The following POC1B variants were observed in gnomAD, a reference collection of about 807,000 sequenced individuals.
POC1B encodes POC1 centriolar protein B, also known as POC1 centriolar protein homolog B.
A neutral mutation model predicts 60.6 loss-of-function variants in POC1B; 44 were observed. That is an observed-to-expected ratio of 0.73 (90% CI 0.57 to 0.93). The LOEUF (loss-of-function observed/expected upper bound fraction) is 0.93. Ranked by LOEUF, POC1B falls within the 40% of genes least tolerant of loss-of-function variation. POC1B has a pLI of 0.00. For missense variants in POC1B, 555 were observed against 572.3 expected (o/e 0.97, Z 0.31); for synonymous variants, 180 against 198.9 (o/e 0.90, Z 0.80).
intron 10 of POC1B, among the ~76,000 whole-genome samples, chr12:89,432,836 G>T (rs1331417573): frequency 6.6e-6 from 1 of 152,204 alleles, no homozygotes; most frequent in Non-Finnish European, 1.5e-5. Context: ...ATATAAATTT[G>T]GGAGTTACTG....
At chr12:89,472,403 G>T in intron 4 of POC1B, 128 bp from the exon 5 acceptor site, 2 of 627,798 alleles carry the variant, frequency 3.2e-6, no homozygotes, top group Non-Finnish European at 5.5e-6. Context: ...ATCCCATGCA[G>T]TAAAGTCATA....
chr12:89,523,886 C>A (rs780529311), intron 2 of POC1B: 19 of 1,577,408 alleles, frequency 1.2e-5, no homozygotes, highest in Non-Finnish European at 1.6e-5. Context: ...AAAGTGAGGA[C>A]GTCCCCAGTG....
At chr12:89,435,078 T>C (rs944015138) in intron 10 of POC1B, among the ~76,000 whole-genome samples, 1 of 151,872 alleles carries the variant, frequency 6.6e-6, no homozygotes, top group East Asian at 1.9e-4. Context: ...AACAATTAGA[T>C]CTATGAAATT....
chr12:89,467,509 T>G, intron 8 of POC1B, 108 bp downstream of exon 8: 1 of 873,378 alleles, frequency 1.1e-6, no homozygotes, highest in Non-Finnish European at 1.8e-6. Flanking sequence ...ATAAACTCAT[T>G]GACAAACATC....
At chr12:89,492,161 T>C (rs775833494) in intron 3 of POC1B, 46 bp from the exon 4 acceptor site, 12 of 1,342,042 alleles carry the variant, frequency 8.9e-6, no homozygotes, top group Non-Finnish European at 1.1e-5. Flanking sequence ...GATTTAATTA[T>C]AGTTAATACT....
At chr12:89,503,852 C>T (rs1869745441) in intron 2 of POC1B, among the ~76,000 whole-genome samples, 1 of 148,750 alleles carries the variant, frequency 6.7e-6, no homozygotes, top group Non-Finnish European at 1.5e-5. Flanking sequence ...GCAGCCGCCC[C>T]GTCTGAGAAG....
At position 89,507,216 on chromosome 12, in the gene POC1B, G is replaced by A. The variant is rs915760102; in HGVS notation, c.101-9874C>T. ...GGAGATAGAGGCTGTACTGAGCCACGATTGCGCCACTGCACTCCAGCCTGC... is the reference window on the plus strand; with the variant it reads ...GGAGATAGAGGCTGTACTGAGCCACAATTGCGCCACTGCACTCCAGCCTGC... On this transcript the variant is annotated intron_variant, in intron 2 of 11. Transcript: ENST00000313546. Among the ~76,000 whole-genome samples, 6 of 126,950 alleles carry A rather than the reference G, an allele frequency of 4.7e-5. No homozygotes were observed. The Admixed American group carries it at 5.0e-4, about 11-fold the overall frequency. 83.3% of individuals were successfully genotyped at this position (126,950 alleles called of 152,430 possible).
intron 6 of POC1B, among the ~76,000 whole-genome samples, chr12:89,471,038 A>G (rs901631190): frequency 6.6e-6 from 1 of 152,208 alleles, no homozygotes; most frequent in Non-Finnish European, 1.5e-5. Context: ...CAAGTTAATT[A>G]CCCTATTTAA....
rs1369162088 is a variant in POC1B, at chr12:89,525,740, C to T, written c.15+141G>A. ...GATGGCAGAGAGTGAGATACGGACGCCCCGGGACGAGGGGCTCAGGACCCG... is the reference window on the plus strand; with the variant it reads ...GATGGCAGAGAGTGAGATACGGACGTCCCGGGACGAGGGGCTCAGGACCCG... On this transcript the variant is annotated intron_variant, in intron 1 of 11. Transcript: ENST00000313546. The T allele has an allele frequency of 1.6e-5, 21 of 1,301,728 alleles. No homozygotes were observed. In the Admixed American group the frequency reaches 6.8e-4, roughly 42 times the overall value. 80.6% of individuals were successfully genotyped at this position (1,301,728 alleles called of 1,614,324 possible). A position where few individuals can be genotyped will look rare whatever the true frequency, so the allele number is the denominator to read the frequency against.
intron 10 of POC1B, among the ~76,000 whole-genome samples, chr12:89,443,357 A>G (rs919355784): frequency 6.6e-6 from 1 of 152,260 alleles, no homozygotes; most frequent in Non-Finnish European, 1.5e-5. Flanking sequence ...TTGGAAGTAA[A>G]GCACAACTCA....
chr12:89,475,439 A>G (rs1452115917), intron 4 of POC1B, among the ~76,000 whole-genome samples: 2 of 152,192 alleles, frequency 1.3e-5, no homozygotes, highest in Non-Finnish European at 2.9e-5. Flanking sequence ...TCACTGCATT[A>G]TAATCCTGCA....
chr12:89,497,276 T>C lies in POC1B; in HGVS notation c.167A>G (p.Tyr56Cys). The change falls in exon 3 of 12, where the codon TAT (tyrosine) becomes TGT (cysteine). Residue 56 changes from tyrosine to cysteine, a missense_variant. Physicochemically the swap from Tyr to Cys is radical, Grantham distance 194 (BLOSUM62 -2). Coordinates refer to ENST00000313546, the MANE Select transcript of POC1B (RefSeq NM_172240.3). ...NFKPHARAYR[Y>C]VGHKDVVTSV... ...GGTTACAACATCCTTGTGACCCACATATCTGTAAGCTCTAGCATGTGGCTT... is the reference window on the plus strand; with the variant it reads ...GGTTACAACATCCTTGTGACCCACACATCTGTAAGCTCTAGCATGTGGCTT... 6.2e-7 allele frequency: 1 copy of C among 1,613,312 alleles called. No homozygotes were observed. Among genetic ancestry groups the C allele is most frequent in the Non-Finnish European group, 8.5e-7 (1 of 1,179,962 alleles).
the POC1B span, among the ~76,000 whole-genome samples, chr12:89,402,680 T>C: frequency 6.6e-6 from 1 of 152,196 alleles, no homozygotes; most frequent in African/African-American, 2.4e-5. Flanking sequence ...GTTTCATCCA[T>C]GTTCCAGCAA....
chr12:89,500,772 G>C, intron 2 of POC1B: 1 of 1,042,694 alleles, frequency 9.6e-7, no homozygotes, highest in African/African-American at 1.6e-5. Context: ...AGATAATAAA[G>C]TATCAGATAA....
At chr12:89,523,186 G>C in intron 2 of POC1B, 4 of 1,613,852 alleles carry the variant, frequency 2.5e-6, no homozygotes, top group Non-Finnish European at 1.7e-6. Flanking sequence ...TAAACATTCA[G>C]ACGAGATCCC....
chr12:89,456,240 G>A (rs1004849126), intron 10 of POC1B, among the ~76,000 whole-genome samples: 4 of 152,088 alleles, frequency 2.6e-5, no homozygotes, highest in African/African-American at 9.7e-5. Flanking sequence ...AGGCTAGTCC[G>A]GAACCCCTGA....
chr12:89,505,631 C>T (rs75948714), intron 2 of POC1B, among the ~76,000 whole-genome samples: 2 of 152,174 alleles, frequency 1.3e-5, no homozygotes, highest in Admixed American at 6.5e-5. Context: ...TGTTATGCTT[C>T]TCACTCTGGG....
chr12:89,501,698 T>C, intron 2 of POC1B: 1 of 974,760 alleles, frequency 1.0e-6, no homozygotes, highest in Non-Finnish European at 1.6e-6. Flanking sequence ...AATTGGTGGG[T>C]GGTAAAATCA....
chr12:89,404,645 A>G, the POC1B span, among the ~76,000 whole-genome samples: 1 of 152,050 alleles, frequency 6.6e-6, no homozygotes, highest in African/African-American at 2.4e-5. Flanking sequence ...GCTCAGTTAG[A>G]CCCAGCTACA....
Sources: allele counts gnomAD v4.1 joint callset (sites outside exome capture counted in the v4.1 genomes callset), GRCh38; gene constraint gnomAD v4.1.1; transcripts MANE v1.5; gene names NCBI Gene and HGNC (gene_info 2026-07-23, HGNC 2026-07-21).